Variants in TPRG1 observed in about 807,000 individuals in gnomAD.
TPRG1 encodes tumor protein p63 regulated 1, also known as tumor protein p63-regulated gene 1 protein.
A neutral mutation model predicts 29.3 loss-of-function variants in TPRG1; 29 were observed. The ratio of observed to expected loss-of-function variants is 0.99; its 90% CI spans 0.74 to 1.35. The LOEUF (loss-of-function observed/expected upper bound fraction) is 1.35, where lower values mean the gene tolerates loss of function less well. Ranked by LOEUF, TPRG1 falls within the 40% of genes most tolerant of loss-of-function variation. The pLI is 0.00. For missense variants in TPRG1, 327 were observed against 335.0 expected, an observed-to-expected ratio of 0.98 and a Z score of 0.19; for synonymous variants, 130 against 116.8, an observed-to-expected ratio of 1.11 and a Z score of -0.73.
At chr3:189,233,064 T>C (rs1738916034) in intron 3 of TPRG1, among the ~76,000 whole-genome samples, 1 of 152,120 alleles carries the variant, frequency 6.6e-6, no homozygotes, top group Non-Finnish European at 1.5e-5. Flanking sequence ...TACTATCTTT[T>C]CAAGGGCTGG....
intron 3 of TPRG1, among the ~76,000 whole-genome samples, chr3:189,219,233 TG>T (rs1736558357): frequency 6.6e-6 from 1 of 152,324 alleles, no homozygotes; most frequent in East Asian, 1.9e-4. Flanking sequence ...TAAATTGATA[TG>T]GGCACATTAT....
chr3:189,234,562 C>T (rs751258739), intron 3 of TPRG1, among the ~76,000 whole-genome samples: 1 of 152,078 alleles, frequency 6.6e-6, no homozygotes, highest in Non-Finnish European at 1.5e-5. Flanking sequence ...ACAGAAAATA[C>T]GTTATTTTGT....
At chr3:189,190,419 C>T (rs1042550531) in intron 1 of TPRG1, among the ~76,000 whole-genome samples, 2 of 152,114 alleles carry the variant, frequency 1.3e-5, no homozygotes, top group South Asian at 2.1e-4. Flanking sequence ...CTAAACACAT[C>T]GCCTCTCCTC....
intron 4 of TPRG1, among the ~76,000 whole-genome samples, chr3:189,300,578 T>G (rs570355495): frequency 6.6e-6 from 1 of 152,330 alleles, no homozygotes; most frequent in African/African-American, 2.4e-5. Flanking sequence ...GCAGGCTTAA[T>G]GTTATCCTTC....
chr3:189,014,198 A>C (rs966368727), intron 3 of TPRG1, among the ~76,000 whole-genome samples: 2 of 152,174 alleles, frequency 1.3e-5, no homozygotes, highest in Non-Finnish European at 2.9e-5. Flanking sequence ...AGGCAGGTCT[A>C]GTGGTAACGA....
intron 3 of TPRG1, among the ~76,000 whole-genome samples, chr3:189,220,179 T>C (rs940171423): frequency 1.3e-5 from 2 of 152,186 alleles, no homozygotes; most frequent in African/African-American, 4.8e-5. Flanking sequence ...CTTGTTTTAA[T>C]AGTTTTTCCT....
chr3:189,089,826 A>C (rs1718218338), intron 4 of TPRG1, among the ~76,000 whole-genome samples: 1 of 152,170 alleles, frequency 6.6e-6, no homozygotes, highest in South Asian at 2.1e-4. Flanking sequence ...AATAAGTTTC[A>C]ACATGAGTTT....
At chr3:189,266,353 T>G (rs1714082035) in intron 4 of TPRG1, among the ~76,000 whole-genome samples, 1 of 152,204 alleles carries the variant, frequency 6.6e-6, no homozygotes, top group Non-Finnish European at 1.5e-5. Flanking sequence ...GGCAGCTATA[T>G]CCTGAGAAGC....
chr3:189,054,053 G>T (rs767161164), intron 4 of TPRG1, among the ~76,000 whole-genome samples: 5 of 151,238 alleles, frequency 3.3e-5, no homozygotes, highest in East Asian at 1.9e-4. Flanking sequence ...AGTCTTTTTT[G>T]TTGTTGTTGT....
intron 4 of TPRG1, among the ~76,000 whole-genome samples, chr3:189,269,476 G>A (rs1714712575): frequency 6.6e-6 from 1 of 152,182 alleles, no homozygotes; most frequent in South Asian, 2.1e-4. Flanking sequence ...CAAGTGAGAA[G>A]AGGCATGTTC....
At chr3:189,259,431 A>C (rs1190169856) in intron 4 of TPRG1, among the ~76,000 whole-genome samples, 4 of 134,824 alleles carry the variant, frequency 3.0e-5, no homozygotes, top group Non-Finnish European at 6.3e-5. Flanking sequence ...GGCTGGAGCT[A>C]TTCCTGTTCA....
intron 4 of TPRG1, among the ~76,000 whole-genome samples, chr3:189,074,971 C>G (rs1166380501): frequency 6.6e-6 from 1 of 151,806 alleles, no homozygotes; most frequent in African/African-American, 2.4e-5. Flanking sequence ...GCCACCACGC[C>G]CGGCTAATTT....
At chr3:189,163,399 G>C (rs1206395806) in intron 5 of TPRG1, among the ~76,000 whole-genome samples, 1 of 152,136 alleles carries the variant, frequency 6.6e-6, no homozygotes, top group African/African-American at 2.4e-5. Context: ...ATTTTGATAT[G>C]TGTTAGCTCA....
chr3:189,248,307 GTAAT>G (rs1283331542), intron 4 of TPRG1, among the ~76,000 whole-genome samples: 1 of 151,696 alleles, frequency 6.6e-6, no homozygotes, highest in Non-Finnish European at 1.5e-5. Context: ...CCTAAAAGAG[GTAAT>G]TAAAGTAATA....
intron 4 of TPRG1, among the ~76,000 whole-genome samples, chr3:189,084,229 T>G (rs1717787910): frequency 6.6e-6 from 1 of 152,198 alleles, no homozygotes. Flanking sequence ...CAACAATTAT[T>G]TTATTATAAA....
At chr3:189,012,636 G>A (rs963945060) in intron 3 of TPRG1, among the ~76,000 whole-genome samples, 1 of 152,008 alleles carries the variant, frequency 6.6e-6, no homozygotes, top group Non-Finnish European at 1.5e-5. Flanking sequence ...GGACTTTTTT[G>A]GTTGGTAGGC....
At chr3:189,241,258 G>A (rs1740534289) in intron 4 of TPRG1, among the ~76,000 whole-genome samples, 1 of 152,126 alleles carries the variant, frequency 6.6e-6, no homozygotes, top group South Asian at 2.1e-4. Flanking sequence ...CCAATATCAA[G>A]TATTACAAAA....
chr3:189,040,718 A>T (rs992152865), intron 4 of TPRG1, among the ~76,000 whole-genome samples: 1 of 152,062 alleles, frequency 6.6e-6, no homozygotes, highest in Non-Finnish European at 1.5e-5. Context: ...CAGTGGTATG[A>T]TCCCTTACTC....
chr3:189,147,268 A>G (rs1212075048), intron 3 of TPRG1, among the ~76,000 whole-genome samples: 7 of 152,190 alleles, frequency 4.6e-5, no homozygotes, highest in Admixed American at 4.6e-4. Context: ...GCTCTCCAGA[A>G]TCTTTCGGCC....
Sources: gnomAD v4.1 joint callset for allele counts (sites outside exome capture counted in the v4.1 genomes callset) on GRCh38, gnomAD v4.1.1 for gene constraint, MANE v1.5 for transcripts, NCBI Gene and HGNC (gene_info 2026-07-23, HGNC 2026-07-21) for gene names.